Variants in EFCAB10 observed in about 807,000 individuals in gnomAD.
EFCAB10 encodes EF-hand calcium-binding domain-containing protein 10.
EFCAB10 carries 7 observed loss-of-function variants against 7.7 expected under a neutral mutation model. The ratio of observed to expected loss-of-function variants is 0.91; its 90% confidence interval spans 0.52 to 1.72. EFCAB10 has a LOEUF of 1.72. Ranked by LOEUF, EFCAB10 falls within the 40% of genes most tolerant of loss-of-function variation. The pLI is 0.00. For missense variants in EFCAB10, 112 were observed against 61.5 expected (o/e 1.82, Z -2.74); for synonymous variants, 52 against 21.0 (o/e 2.47, Z -4.03).
chr7:105,579,582 C>T lies in EFCAB10; in HGVS notation c.106+1776G>A, dbSNP rs192464146. On this transcript the variant is annotated intron_variant, in intron 1 of 4. Transcript: ENST00000480514. ...CTAACAATATTAAAAATTCTGAATA[C>T]TGAGGATATCAAAATTGTGATCTAA... Among the ~76,000 whole-genome samples the T allele has an allele frequency of 1.8e-4, 28 of 152,232 alleles. No homozygotes were observed. In the East Asian group the frequency reaches 5.0e-3, roughly 27 times the overall value.
Position 105,565,275 on chromosome 7 carries a change from A to T in EFCAB10, c.*172T>A. On this transcript the variant is annotated 3_prime_UTR_variant, in exon 5 of 5. Coordinates refer to ENST00000480514, the MANE Select transcript of EFCAB10 (RefSeq NM_001355526.2). ...TTTTTGGTAAAAATGTGTTTTTTCC[A>T]GATGGTTGTCCTTGCCATCTCAGTC... is the stretch of plus-strand genomic sequence containing the variant. 1 of 1,563,740 alleles carries T rather than the reference A, an allele frequency of 6.4e-7. No individual in the cohort carries two copies.
Position 105,565,356 on chromosome 7 carries a change from C to T in EFCAB10, c.*91G>A, listed in dbSNP as rs780062646. 9.3e-6 allele frequency: 15 copies of T among 1,614,168 alleles called. No homozygotes were observed. The highest frequency in any genetic ancestry group is 6.7e-5 in the East Asian group (3 of 44,880). On this transcript the variant is annotated 3_prime_UTR_variant, in exon 5 of 5. Coordinates refer to ENST00000480514, the MANE Select transcript of EFCAB10 (RefSeq NM_001355526.2). The stretch of plus-strand genomic sequence containing the variant: ...GGCTTGCCCGTTGCTGCTGACGTTA[C>T]GAGACCATTTACTTCAGTTGGAGCA...
In EFCAB10 at chr7:105,565,183, C is replaced by T; in HGVS notation, c.*264G>A. ...TATATTTTTTCTTATCCAAAATGCC[C>T]TAGGACAGAACACTTCCTCAAATTT... is the stretch of plus-strand genomic sequence containing the variant. On this transcript the variant is annotated 3_prime_UTR_variant, in exon 5 of 5. Transcript: ENST00000480514. 3.6e-6 allele frequency: 4 copies of T among 1,123,828 alleles called. No homozygotes were observed. The highest frequency in any genetic ancestry group is 3.1e-5 in the African/African-American group (2 of 63,798). The allele number at this position is 1,123,828 out of a possible 1,614,324, so 69.6% of individuals were successfully genotyped here.
In EFCAB10 at chr7:105,565,309, CAGT is replaced by C. The variant is rs1267285265; in HGVS notation, c.*135_*137del. On this transcript the variant is annotated 3_prime_UTR_variant, in exon 5 of 5. Coordinates refer to ENST00000480514, the MANE Select transcript of EFCAB10 (RefSeq NM_001355526.2). Reference sequence around the variant, plus strand: ...TCCTTGCCATCTCAGTCAGAGCAGGCAGTGATGTCCCTGTCCAGTTCGGCTTGC... The same window carrying C: ...TCCTTGCCATCTCAGTCAGAGCAGGCGATGTCCCTGTCCAGTTCGGCTTGC... 1.7e-5 allele frequency: 28 copies of C among 1,612,896 alleles called. No homozygotes were observed. The highest frequency in any genetic ancestry group is 2.4e-5 in the Non-Finnish European group (28 of 1,179,112).
At position 105,581,457 on chromosome 7, in the gene EFCAB10, T is replaced by C. The variant is rs781489491; in HGVS notation, c.7A>G (p.Thr3Ala). ...GCGGCTTGGAGCTCCCTGCTGCTGGTCTCCATCGCTCCGCGTCCCGCTGTT... is the reference window on the plus strand; with the variant it reads ...GCGGCTTGGAGCTCCCTGCTGCTGGCCTCCATCGCTCCGCGTCCCGCTGTT... The part of the protein sequence containing the change: ME[T>A]SSRELQAAEY... Residue 3 changes from threonine (T) to alanine (A), a missense_variant, in exon 1 of 5, where the codon ACC (threonine) becomes GCC (alanine). Coordinates refer to ENST00000480514, the MANE Select transcript of EFCAB10 (RefSeq NM_001355526.2). 3.7e-5 allele frequency: 26 copies of C among 702,946 alleles called. No homozygotes were observed. The highest frequency in any genetic ancestry group is 6.5e-5 in the Non-Finnish European group (25 of 384,970). The allele number at this position is 702,946 out of a possible 1,614,324, so 43.5% of individuals were successfully genotyped here. A position where few individuals can be genotyped will look rare whatever the true frequency, so the allele number is the denominator to read the frequency against.
intron 1 of EFCAB10, among the ~76,000 whole-genome samples, chr7:105,570,471 CATG>C (rs1484861726): frequency 3.3e-5 from 5 of 151,702 alleles, no homozygotes; most frequent in African/African-American, 1.2e-4. Flanking sequence ...GCAGAACAAT[CATG>C]ATGAAAAAGC....
At chr7:105,577,683 C>T (rs549367599) in intron 1 of EFCAB10, among the ~76,000 whole-genome samples, 1 of 151,826 alleles carries the variant, frequency 6.6e-6, no homozygotes, top group South Asian at 2.1e-4. Context: ...TTCAGTTGAC[C>T]CATTGGCTGC....
chr7:105,565,352 G>A lies in EFCAB10; in HGVS notation c.*95C>T, dbSNP rs139532717. ...GTTCGGCTTGCCCGTTGCTGCTGAC[G>A]TTACGAGACCATTTACTTCAGTTGG... On this transcript the variant is annotated 3_prime_UTR_variant, in exon 5 of 5. Coordinates refer to ENST00000480514, the MANE Select transcript of EFCAB10 (RefSeq NM_001355526.2). 435 of 1,614,166 alleles carry A rather than the reference G, an allele frequency of 2.7e-4. No individual in the cohort carries two copies. The African/African-American group carries it at 4.7e-3, about 17-fold the overall frequency.
chr7:105,581,441 A>C lies in EFCAB10; in HGVS notation c.23T>G (p.Leu8Arg). 1 of 702,916 alleles carries C rather than the reference A, an allele frequency of 1.4e-6. No individual in the cohort carries two copies. Among genetic ancestry groups the C allele is most frequent in the African/African-American group, 1.7e-5 (1 of 57,318 alleles). The allele number at this position is 702,916 out of a possible 1,614,324, so 43.5% of individuals were successfully genotyped here. A position where few individuals can be genotyped will look rare whatever the true frequency, so the allele number is the denominator to read the frequency against. Residue 8 changes from leucine (L) to arginine (R), a missense_variant, in exon 1 of 5, where the codon CTC becomes CGC. Physicochemically the swap from Leu to Arg is moderately radical, Grantham distance 102 (BLOSUM62 -2). Coordinates refer to ENST00000480514, the MANE Select transcript of EFCAB10 (RefSeq NM_001355526.2). ...CTTTTCCAAATACTCCGCGGCTTGG[A>C]GCTCCCTGCTGCTGGTCTCCATCGC... is the stretch of plus-strand genomic sequence containing the variant. Reference protein sequence around the residue: METSSRELQAAEYLEKHQ... With the variant: METSSRERQAAEYLEKHQ...
chr7:105,571,217 G>C (rs537351485), intron 1 of EFCAB10: 3 of 152,264 alleles, frequency 2.0e-5, no homozygotes, highest in African/African-American at 7.2e-5. Context: ...GAAGAGGACT[G>C]ACAATTAACA....
rs919558729 is a variant in EFCAB10, at chr7:105,574,609, C to T, written c.107-5038G>A. 7.8e-4 allele frequency among the ~76,000 whole-genome samples: 118 copies of T among 151,954 alleles called. 1 individual carries two copies. The highest frequency in any genetic ancestry group is 2.5e-3 in the African/African-American group (104 of 41,500). Reference sequence around the variant, plus strand: ...ATGCCATTCTCCTGCCTCAGCCTCCCGAGTAGCTGGGATTACAGGCGCCCG... The same window carrying T: ...ATGCCATTCTCCTGCCTCAGCCTCCTGAGTAGCTGGGATTACAGGCGCCCG... On this transcript the variant is annotated intron_variant, in intron 1 of 4. Coordinates refer to ENST00000480514, the MANE Select transcript of EFCAB10 (RefSeq NM_001355526.2).
At chr7:105,572,397 A>T (rs1791973202) in intron 1 of EFCAB10, 1 of 152,224 alleles carries the variant, frequency 6.6e-6, no homozygotes, top group Non-Finnish European at 1.5e-5. Flanking sequence ...ATAGTATTTC[A>T]TTGTGTATAT....
At chr7:105,574,824 A>G (rs940974603) in intron 1 of EFCAB10, among the ~76,000 whole-genome samples, 62 of 151,298 alleles carry the variant, frequency 4.1e-4, no homozygotes, top group African/African-American at 1.4e-3. Context: ...GGTCAGGCGC[A>G]GTGGCTCACA....
chr7:105,565,171 ATCC>A lies in EFCAB10; in HGVS notation c.*273_*275del. 1.1e-6 allele frequency: 1 copy of A among 901,532 alleles called. No individual in the cohort carries two copies. 55.8% of individuals were successfully genotyped at this position (901,532 alleles called of 1,614,324 possible). A position where few individuals can be genotyped will look rare whatever the true frequency, so the allele number is the denominator to read the frequency against. On this transcript the variant is annotated 3_prime_UTR_variant, in exon 5 of 5. Transcript: ENST00000480514. The stretch of plus-strand genomic sequence containing the variant: ...AATGTTAGGCTGTATATTTTTTCTT[ATCC>A]AAAATGCCCTAGGACAGAACACTTC...
At chr7:105,577,414 C>T (rs551237996) in intron 1 of EFCAB10, among the ~76,000 whole-genome samples, 9 of 152,240 alleles carry the variant, frequency 5.9e-5, no homozygotes, top group African/African-American at 2.2e-4. Flanking sequence ...GTGGAGAATA[C>T]AGCTGGGAAC....
chr7:105,580,549 C>T (rs1344181340), intron 1 of EFCAB10, among the ~76,000 whole-genome samples: 1 of 151,972 alleles, frequency 6.6e-6, no homozygotes, highest in East Asian at 1.9e-4. Flanking sequence ...ATCTCGTGCC[C>T]GGCCTTTTTT....
intron 1 of EFCAB10, among the ~76,000 whole-genome samples, chr7:105,577,844 G>A (rs1242016398): frequency 2.6e-5 from 4 of 151,722 alleles, no homozygotes; most frequent in African/African-American, 7.3e-5. Flanking sequence ...TCAGCCTCCC[G>A]AATAACTGAT....
intron 1 of EFCAB10, among the ~76,000 whole-genome samples, chr7:105,570,748 G>A (rs1304911781): frequency 6.6e-6 from 1 of 152,068 alleles, no homozygotes; most frequent in Admixed American, 6.6e-5. Context: ...GTAACAGCTG[G>A]GCACGGTGGC....
chr7:105,575,903 G>A (rs1409326184), intron 1 of EFCAB10, among the ~76,000 whole-genome samples: 1 of 152,098 alleles, frequency 6.6e-6, no homozygotes, highest in East Asian at 1.9e-4. Flanking sequence ...CAGGCATGGT[G>A]GCACATGCCT....
Sources: allele counts gnomAD v4.1 joint callset (sites outside exome capture counted in the v4.1 genomes callset), GRCh38; gene constraint gnomAD v4.1.1; transcripts MANE v1.5; gene names NCBI Gene and HGNC (gene_info 2026-07-23, HGNC 2026-07-21).